USP35: variants seen among roughly 807,000 people sequenced by gnomAD.
USP35 encodes the protein ubiquitin carboxyl-terminal hydrolase 35.
Under a neutral mutation model 83.8 loss-of-function variants are expected in USP35, and 69 were observed. The observed-to-expected ratio is 0.82, with a 90% confidence interval of 0.68 to 1.01. The LOEUF is 1.01. Ranked by LOEUF, USP35 falls within the 50% of genes least tolerant of loss-of-function variation. The pLI, the probability that USP35 is intolerant of heterozygous loss-of-function variation, is 0.00. For synonymous variants in USP35, 714 were observed against 589.5 expected (o/e 1.21, Z -3.06); for missense variants, 1,503 against 1,362.5 (o/e 1.10, Z -1.62).
At chr11:78,230,573 T>C in the USP35 span, among the ~76,000 whole-genome samples, 1 of 152,270 alleles carries the variant, frequency 6.6e-6, no homozygotes, top group Admixed American at 6.5e-5. Context: ...TCTGTGTCTT[T>C]CCACTTCTAC....
At chr11:78,207,699 C>T (rs986389906) in intron 8 of USP35, 76 bp downstream of exon 8, 4 of 1,416,946 alleles carry the variant, frequency 2.8e-6, no homozygotes, top group Non-Finnish European at 2.9e-6. Context: ...TTTCCCTTCC[C>T]CAGGACCTGC....
In USP35 at chr11:78,196,595, C is replaced by T. The variant is rs1863153486; in HGVS notation, c.350C>T (p.Ala117Val). ...CAGCTGCTGCCCGAGGGGCCTGCGG[C>T]CGACGAGGTGTTCGCGCTGCTGCGG... The part of the protein sequence containing the change: ...GLQLLPEGPA[A>V]DEVFALLRRE... Residue 117 changes from alanine to valine, a missense_variant, in exon 2 of 11, where the codon GCC (alanine) becomes GTC (valine). Physicochemically the swap from Ala to Val is moderately conservative, Grantham distance 64 (BLOSUM62 0). Transcript: ENST00000529308. This position sits in a 1 kb window ranked among gnomAD's most constrained non-coding sequence, Gnocchi z 4.8. 13 of 1,264,782 alleles carry T rather than the reference C, an allele frequency of 1.0e-5. No individual in the cohort carries two copies. Among genetic ancestry groups the T allele is most frequent in the African/African-American group, 3.2e-5 (2 of 61,970 alleles). 78.3% of individuals were successfully genotyped at this position (1,264,782 alleles called of 1,614,324 possible).
rs1177540136 is a variant in USP35 at position 78,206,025 on chromosome 11, A to G, written c.1381A>G (p.Met461Val). The G allele has an allele frequency of 3.1e-6, 5 of 1,611,734 alleles. No homozygotes were observed. The highest frequency in any genetic ancestry group is 4.2e-6 in the Non-Finnish European group (5 of 1,178,386). ...CAACAGCATCCTTCAGGCCTTATTCATGGCGTCTGAGTAGGTGCTGCTTTG... is the reference window on the plus strand; with the variant it reads ...CAACAGCATCCTTCAGGCCTTATTCGTGGCGTCTGAGTAGGTGCTGCTTTG... Reference protein sequence around the residue: ...YVNSILQALFMASDFRHCVLR... With the variant: ...YVNSILQALFVASDFRHCVLR... The change falls in exon 7 of 11, where the codon ATG becomes GTG. Residue 461 changes from methionine (M) to valine (V), a missense_variant. By Grantham distance (21) the Met-to-Val change is conservative. Coordinates refer to ENST00000529308, the MANE Select transcript of USP35 (RefSeq NM_020798.4).
At chr11:78,224,416 G>T in the USP35 span, among the ~76,000 whole-genome samples, 1 of 152,118 alleles carries the variant, frequency 6.6e-6, no homozygotes, top group Non-Finnish European at 1.5e-5. Context: ...GGGGCCAGTT[G>T]TGTTTCCCCA....
chr11:78,216,822 C>G (rs1864172455), downstream of USP35: 1 of 152,188 alleles, frequency 6.6e-6, no homozygotes, highest in Non-Finnish European at 1.5e-5. Context: ...TATGGGGCCC[C>G]TTGTAGGGGG....
chr11:78,216,818 G>GC (rs1286595043), downstream of USP35: 2 of 152,200 alleles, frequency 1.3e-5, no homozygotes, highest in African/African-American at 4.8e-5. Context: ...GTCGTATGGG[G>GC]CCCCTTGTAG....
intron 3 of USP35, 89 bp from the exon 4 acceptor site, chr11:78,199,506 C>G: frequency 1.3e-6 from 2 of 1,577,130 alleles, no homozygotes; most frequent in Middle Eastern, 1.9e-4. Context: ...ATGTGGGAAC[C>G]CAGGACATTA....
chr11:78,233,429 C>A, the USP35 span, among the ~76,000 whole-genome samples: 1 of 152,182 alleles, frequency 6.6e-6, no homozygotes, highest in East Asian at 1.9e-4. Flanking sequence ...ATCATCTATT[C>A]ATGTGGTTAC....
chr11:78,226,765 A>G, the USP35 span: 3 of 1,614,052 alleles, frequency 1.9e-6, no homozygotes, highest in Admixed American at 1.7e-5. Flanking sequence ...AACTCCCTGC[A>G]CAGGGTGTTG....
At position 78,193,731 on chromosome 11, in the gene USP35, T is replaced by C. The variant is rs1863064656; in HGVS notation, c.-10-2505T>C. Among the ~76,000 whole-genome samples the C allele has an allele frequency of 2.1e-5, 3 of 143,450 alleles. No homozygotes were observed. The South Asian group carries it at 7.1e-4, about 34-fold the overall frequency. The allele number at this position is 143,450 out of a possible 152,430, so 94.1% of individuals were successfully genotyped here. On this transcript the variant is annotated intron_variant, in intron 1 of 10. Coordinates refer to ENST00000529308, the MANE Select transcript of USP35 (RefSeq NM_020798.4). ...CAGAATGTATCCCAGATGAGCCACA[T>C]TCAAAGAGTCAAAAACAACAACAAC...
rs905559065 is a variant in USP35 at position 78,194,276 on chromosome 11, G to A, written c.-10-1960G>A. Among the ~76,000 whole-genome samples, 24 of 152,292 alleles carry A rather than the reference G, an allele frequency of 1.6e-4. No homozygotes were observed. The East Asian group carries it at 4.2e-3, about 27-fold the overall frequency. ...TTTAAACAAATGGGCCCTTTGTATC[G>A]TAACACGTGCAGCAATGGAGGTTAG... On this transcript the variant is annotated intron_variant, in intron 1 of 10. Coordinates refer to ENST00000529308, the MANE Select transcript of USP35 (RefSeq NM_020798.4).
chr11:78,210,344 C>T lies in USP35; in HGVS notation c.2489C>T (p.Pro830Leu). ...RRKILDDVSI[P>L]LLLRLPLAGG... ...AAGATCCTGGATGACGTCTCCATCC[C>T]CCTGCTGCTCCGCCTGCCACTGGCT... Residue 830 changes from proline to leucine, a missense_variant, in exon 10 of 11, where the codon CCC (proline) becomes CTC (leucine). Physicochemically the swap from Pro to Leu is moderately conservative, Grantham distance 98. Transcript: ENST00000529308. 2 of 1,612,646 alleles carry T rather than the reference C, an allele frequency of 1.2e-6. No homozygotes were observed. Among genetic ancestry groups the T allele is most frequent in the Non-Finnish European group, 1.7e-6 (2 of 1,179,866 alleles).
At chr11:78,226,587 T>C in the USP35 span, 1 of 1,203,094 alleles carries the variant, frequency 8.3e-7, no homozygotes, top group East Asian at 4.0e-5. Flanking sequence ...TCGAGGTGTT[T>C]CTGCCTGACT....
chr11:78,199,471 G>C, intron 3 of USP35, 124 bp from the exon 4 acceptor site: 1 of 1,442,984 alleles, frequency 6.9e-7, no homozygotes, highest in South Asian at 1.3e-5. Context: ...CAGACCCCGG[G>C]GCTGCCCTTT....
At chr11:78,220,523 A>G in the USP35 span, 1 of 1,268,436 alleles carries the variant, frequency 7.9e-7, no homozygotes, top group East Asian at 2.4e-5. Flanking sequence ...CTCTGGGAGT[A>G]AGAACACTGT....
At chr11:78,223,440 G>T in the USP35 span, 1 of 1,574,802 alleles carries the variant, frequency 6.3e-7, no homozygotes, top group East Asian at 2.3e-5. Flanking sequence ...GGTTGCGGTT[G>T]ACAGGGGGTG....
At chr11:78,225,191 C>T in the USP35 span, 4 of 1,610,046 alleles carry the variant, frequency 2.5e-6, no homozygotes, top group South Asian at 1.1e-5. Context: ...TCGTAGGTCT[C>T]ACAGGAAGAA....
rs1312833093 is a variant in USP35 at position 78,200,652 on chromosome 11, C to T, written c.1041C>T (p.Leu347=). ...CTGACGCAGCTCTGCTCCCACAGCT[C>T]CTCCCTCACATCCCCCCCATGGTGG... ...FQHSHEAFHL[L]LPHIPPMVAS... The change falls in exon 6 of 11, where the codon CTC becomes CTT. Residue 347 remains leucine, a splice_region_variant and synonymous_variant. Coordinates refer to ENST00000529308, the MANE Select transcript of USP35 (RefSeq NM_020798.4). 1.2e-6 allele frequency: 2 copies of T among 1,608,280 alleles called. No individual in the cohort carries two copies. The highest frequency in any genetic ancestry group is 2.2e-5 in the South Asian group (2 of 90,494).
chr11:78,220,547 A>T, the USP35 span: 1 of 927,942 alleles, frequency 1.1e-6, no homozygotes, highest in East Asian at 2.6e-5. Context: ...CCTGAGCCCT[A>T]CTCTGACACA....
Sources: allele counts gnomAD v4.1 joint callset (sites outside exome capture counted in the v4.1 genomes callset), GRCh38; gene constraint gnomAD v4.1.1; non-coding constraint Gnocchi (gnomAD v3.1); transcripts MANE v1.5; gene names NCBI Gene and HGNC (gene_info 2026-07-23, HGNC 2026-07-21).